Variants in TRPV2 observed in about 807,000 individuals in gnomAD.
The protein encoded by TRPV2 is OTRPC2.
Under a neutral mutation model 91.0 loss-of-function variants are expected in TRPV2, and 58 were observed. The ratio of observed to expected loss-of-function variants is 0.64; its 90% CI spans 0.52 to 0.79. The LOEUF (loss-of-function observed/expected upper bound fraction) is 0.79, where lower values mean the gene tolerates loss of function less well. TRPV2 is among the 30% of genes least tolerant of loss of function. The probability of loss-of-function intolerance (pLI) is 0.00; values close to 1 mark genes in which losing one functional copy is unlikely to be tolerated. For missense variants in TRPV2, 807 were observed against 969.6 expected, an observed-to-expected ratio of 0.83 and a Z score of 2.23; for synonymous variants, 417 against 414.8, an observed-to-expected ratio of 1.01 and a Z score of -0.06.
Position 16,423,538 on chromosome 17 carries a change from C to G in TRPV2, c.695C>G (p.Pro232Arg). The change falls in exon 5 of 15, where the codon CCA (proline) becomes CGA (arginine). Residue 232 changes from proline (P) to arginine (R), a missense_variant. Physicochemically the swap from Pro to Arg is moderately radical, Grantham distance 103. Transcript: ENST00000338560. ...WDVVSYLLEN[P>R]HQPASLQATD... is the part of the protein sequence containing the mutation. ...GTGGTAAGCTACCTCCTGGAGAACC[C>G]ACACCAGCCCGCCAGCCTGCAGGCC... 3.1e-6 allele frequency: 5 copies of G among 1,614,132 alleles called. No homozygotes were observed. Among genetic ancestry groups the G allele is most frequent in the Non-Finnish European group, 4.2e-6 (5 of 1,180,006 alleles).
rs866598997 is a variant in TRPV2 at position 16,422,772 on chromosome 17, G to A, written c.508G>A (p.Ala170Thr). The change falls in exon 4 of 15, where the codon GCC becomes ACC. Residue 170 changes from alanine (A) to threonine (T), a missense_variant. Coordinates refer to ENST00000338560, the MANE Select transcript of TRPV2 (RefSeq NM_016113.5). ...YYRGHSALHIAIEKRSLQCVK... is the reference protein window; with the variant it reads ...YYRGHSALHITIEKRSLQCVK... ...CCGAGGCCACAGCGCTCTGCACATCGCCATTGAGAAGAGGAGTCTGCAGTG... is the reference window on the plus strand; with the variant it reads ...CCGAGGCCACAGCGCTCTGCACATCACCATTGAGAAGAGGAGTCTGCAGTG... 4.4e-6 allele frequency: 7 copies of A among 1,574,928 alleles called. No homozygotes were observed. Among genetic ancestry groups the A allele is most frequent in the East Asian group, 2.3e-5 (1 of 42,660 alleles).
At chr17:16,429,413 C>T (rs1159340498) in intron 10 of TRPV2, among the ~76,000 whole-genome samples, 9 of 152,166 alleles carry the variant, frequency 5.9e-5, no homozygotes, top group Non-Finnish European at 1.2e-4. Flanking sequence ...AGTCCTTGCT[C>T]CCCTGAAGCT....
At chr17:16,419,258 C>T (rs564505956) in intron 2 of TRPV2, 4 of 466,778 alleles carry the variant, frequency 8.6e-6, no homozygotes, top group South Asian at 3.1e-5. Context: ...GACTCATGCC[C>T]TTCCCACTTC....
intron 2 of TRPV2, among the ~76,000 whole-genome samples, chr17:16,418,572 C>T (rs113636395): frequency 2.6e-5 from 4 of 152,186 alleles, no homozygotes; most frequent in African/African-American, 9.6e-5. Context: ...GCTTTGGCCT[C>T]GCAGGCTAGA....
At chr17:16,428,655 C>A (rs1020944212) in intron 9 of TRPV2, 162 bp from the exon 10 acceptor site, 2 of 780,782 alleles carry the variant, frequency 2.6e-6, no homozygotes, top group African/African-American at 1.7e-5. Flanking sequence ...ATGAGTCAGG[C>A]ATCATTATTA....
intron 2 of TRPV2, chr17:16,419,191 CAGAAGCCCCAGA>C: frequency 2.6e-6 from 1 of 385,206 alleles, no homozygotes; most frequent in Non-Finnish European, 5.2e-6. Flanking sequence ...GTGGTGGTAC[CAGAAGCCCCAGA>C]GGCAAGTTGG....
intron 4 of TRPV2, 32 bp downstream of exon 4, chr17:16,422,921 A>G (rs1345615049): frequency 1.9e-6 from 3 of 1,545,710 alleles, no homozygotes; most frequent in Non-Finnish European, 2.6e-6. Flanking sequence ...AAATCGAGGC[A>G]AAGAGAGAGT....
Position 16,432,249 on chromosome 17 carries a change from C to T in TRPV2, c.1938C>T (p.Ser646=), listed in dbSNP as rs1307326666. Residue 646 remains serine (S), a synonymous_variant, in exon 12 of 15, where the codon AGC becomes AGT. Coordinates refer to ENST00000338560, the MANE Select transcript of TRPV2 (RefSeq NM_016113.5). The part of the protein sequence containing the change: ...LLLNMLIALM[S]ETVNSVATDS... Reference sequence around the variant, plus strand: ...TCAACATGCTCATCGCCCTCATGAGCGAGACCGTCAACAGTGTCGCCACTG... The same window carrying T: ...TCAACATGCTCATCGCCCTCATGAGTGAGACCGTCAACAGTGTCGCCACTG... 8 of 1,613,204 alleles carry T rather than the reference C, an allele frequency of 5.0e-6. No homozygotes were observed. The highest frequency in any genetic ancestry group is 2.7e-5 in the African/African-American group (2 of 75,046).
At chr17:16,421,988 G>A (rs1260088730) in intron 3 of TRPV2, among the ~76,000 whole-genome samples, 2 of 151,856 alleles carry the variant, frequency 1.3e-5, no homozygotes, top group Non-Finnish European at 1.5e-5. Flanking sequence ...AGCATTTCAC[G>A]AATGATGACT....
Position 16,433,716 on chromosome 17 carries a change from G to C in TRPV2, c.2114+18G>C, listed in dbSNP as rs1015360214. 1 of 1,612,036 alleles carries C rather than the reference G, an allele frequency of 6.2e-7. No individual in the cohort carries two copies. The highest frequency in any genetic ancestry group is 8.5e-7 in the Non-Finnish European group (1 of 1,179,402). On this transcript the variant is annotated intron_variant, in intron 13 of 14. Coordinates refer to ENST00000338560, the MANE Select transcript of TRPV2 (RefSeq NM_016113.5). ...TGCTTCAGGTGAGTGAGTGGTGGGA[G>C]GGTCTCCTGGGGGCCTTGCTGTCCA...
chr17:16,431,043 T>G (rs375225437), intron 10 of TRPV2, among the ~76,000 whole-genome samples: 85 of 150,644 alleles, frequency 5.6e-4, no homozygotes, highest in Admixed American at 1.4e-3. Context: ...GAAGGTTTTT[T>G]TTTTTTGTTT....
Position 16,436,856 on chromosome 17 carries a change from C to A in TRPV2, c.2262C>A (p.Asn754Lys). ...KEDEDGASEE[N>K]YVPVQLLQSN ...ATGAGGATGGTGCCTCTGAGGAAAA[C>A]TATGTGCCCGTCCAGCTCCTCCAGT... Residue 754 changes from asparagine (N) to lysine (K), a missense_variant, in exon 15 of 15, where the codon AAC (asparagine) becomes AAA (lysine). Transcript: ENST00000338560. 1 of 1,614,170 alleles carries A rather than the reference C, an allele frequency of 6.2e-7. No individual in the cohort carries two copies. The highest frequency in any genetic ancestry group is 8.5e-7 in the Non-Finnish European group (1 of 1,180,000).
intron 10 of TRPV2, among the ~76,000 whole-genome samples, chr17:16,431,291 A>ACATTT (rs1555883058): frequency 1.2e-4 from 8 of 67,378 alleles, no homozygotes; most frequent in Non-Finnish European, 1.0e-4. Flanking sequence ...ATATATACAT[A>ACATTT]TTTTTTTTTT....
intron 3 of TRPV2, among the ~76,000 whole-genome samples, chr17:16,422,284 C>G (rs2093361366): frequency 1.4e-5 from 2 of 140,172 alleles, no homozygotes; most frequent in South Asian, 4.4e-4. Flanking sequence ...GATTGCGCCA[C>G]TGCACTCCAG....
intron 12 of TRPV2, 31 bp from the exon 13 acceptor site, chr17:16,433,543 A>G: frequency 6.2e-7 from 1 of 1,610,830 alleles, no homozygotes; most frequent in South Asian, 1.1e-5. Context: ...GGGTCCCAGG[A>G]CGTTCTGTCT....
At position 16,426,501 on chromosome 17, in the gene TRPV2, G is replaced by A. The variant is rs7223205; in HGVS notation, c.1096-221G>A. 0.41 allele frequency among the ~76,000 whole-genome samples: 61,607 copies of A among 151,996 alleles called. 12,857 individuals carry two copies. The highest frequency in any genetic ancestry group is 0.46 in the African/African-American group (18,896 of 41,428). On this transcript the variant is annotated intron_variant, in intron 6 of 14. Coordinates refer to ENST00000338560, the MANE Select transcript of TRPV2 (RefSeq NM_016113.5). This position sits in a 1 kb window ranked among gnomAD's most constrained non-coding sequence, Gnocchi z 6.0. The stretch of plus-strand genomic sequence containing the variant: ...GCCAAGGGCCTCGTGGCAACCATCC[G>A]GGTCCTCTCTGTTAACCAGCATCTC...
Position 16,417,556 on chromosome 17 carries a change from T to C in TRPV2, c.-107-6T>C. On this transcript the variant is annotated splice_polypyrimidine_tract_variant and splice_region_variant and intron_variant, in intron 1 of 14. Coordinates refer to ENST00000338560, the MANE Select transcript of TRPV2 (RefSeq NM_016113.5). ...TTTTGCACTAACCTAATACCTCCTT[T>C]TGCAGGCTCCAGTCAGGCCAACACC... 1 of 1,159,892 alleles carries C rather than the reference T, an allele frequency of 8.6e-7. No homozygotes were observed. Among genetic ancestry groups the C allele is most frequent in the Non-Finnish European group, 1.2e-6 (1 of 803,612 alleles). 71.9% of individuals were successfully genotyped at this position (1,159,892 alleles called of 1,614,324 possible).
At chr17:16,425,394 G>A (rs1414064080) in intron 5 of TRPV2, among the ~76,000 whole-genome samples, 1 of 152,184 alleles carries the variant, frequency 6.6e-6, no homozygotes, top group Non-Finnish European at 1.5e-5. Context: ...GTAAACATGA[G>A]GCAGCCCCCA....
chr17:16,428,795 C>T (rs751666411), intron 9 of TRPV2, 22 bp from the exon 10 acceptor site: 3 of 1,612,360 alleles, frequency 1.9e-6, no homozygotes, highest in East Asian at 4.5e-5. Flanking sequence ...CGCAAGCCCA[C>T]CTGGATTCTG....
Sources: allele counts gnomAD v4.1 joint callset (sites outside exome capture counted in the v4.1 genomes callset), GRCh38; gene constraint gnomAD v4.1.1; non-coding constraint Gnocchi (gnomAD v3.1); transcripts MANE v1.5; gene names NCBI Gene and HGNC (gene_info 2026-07-23, HGNC 2026-07-21).